The following AFF4 variants were observed in gnomAD, a reference collection of about 807,000 sequenced individuals.
AFF4 encodes ALF transcription elongation factor 4.
A neutral mutation model predicts 124.8 loss-of-function variants in AFF4; 13 were observed. The ratio of observed to expected loss-of-function variants is 0.10; its 90% CI spans 0.07 to 0.17. AFF4 has a LOEUF of 0.17. AFF4 is among the 10% of genes least tolerant of loss of function. The probability of loss-of-function intolerance (pLI) is 1.00; values close to 1 mark genes in which losing one functional copy is unlikely to be tolerated. For synonymous variants in AFF4, 477 were observed against 496.1 expected (o/e 0.96, Z 0.51); for missense variants, 1,092 against 1,403.8 (o/e 0.78, Z 3.55).
In AFF4 at chr5:132,934,153, T is replaced by A; in HGVS notation, c.912A>T (p.Pro304=). 1 of 1,611,012 alleles carries A rather than the reference T, an allele frequency of 6.2e-7. No homozygotes were observed. The highest frequency in any genetic ancestry group is 1.3e-5 in the African/African-American group (1 of 74,932). ...HLTKLKIPSQ[P]LDASASGDVS... ...CTCTAAATGTGTGACTTACATCCAG[T>A]GGTTGGGAAGGTATTTTCAGCTTGG... The change falls in exon 3 of 21, where the codon CCA becomes CCT. Residue 304 remains proline, a synonymous_variant. Coordinates refer to ENST00000265343, the MANE Select transcript of AFF4 (RefSeq NM_014423.4).
intron 5 of AFF4, among the ~76,000 whole-genome samples, chr5:132,909,100 T>C (rs1760735569): frequency 6.6e-6 from 1 of 150,472 alleles, no homozygotes. Flanking sequence ...AAGCGGTTAC[T>C]TCATTCATTG....
At chr5:132,926,130 A>AT (rs1320681979) in intron 5 of AFF4, 8 of 336,070 alleles carry the variant, frequency 2.4e-5, no homozygotes, top group Admixed American at 2.1e-4. Context: ...ACAGAACAAT[A>AT]TATTTGCGTA....
chr5:132,914,333 C>T (rs560786879), intron 5 of AFF4, among the ~76,000 whole-genome samples: 64 of 151,742 alleles, frequency 4.2e-4, no homozygotes, highest in Non-Finnish European at 3.8e-4. Context: ...CCGGGCGCAG[C>T]GGCTCACGCC....
chr5:132,949,675 C>T (rs915466607), intron 1 of AFF4, among the ~76,000 whole-genome samples: 2 of 149,782 alleles, frequency 1.3e-5, no homozygotes, highest in African/African-American at 5.0e-5. Flanking sequence ...CAGTGAAACC[C>T]CATGTGTACC....
At chr5:132,906,304 A>C (rs1251904680) in intron 5 of AFF4, among the ~76,000 whole-genome samples, 1 of 152,234 alleles carries the variant, frequency 6.6e-6, no homozygotes, top group African/African-American at 2.4e-5. Flanking sequence ...AAACACTTCT[A>C]CATAAGTGTT....
intron 5 of AFF4, among the ~76,000 whole-genome samples, chr5:132,924,443 G>GGGA (rs1283560027): frequency 6.6e-6 from 1 of 152,188 alleles, no homozygotes; most frequent in African/African-American, 2.4e-5. Context: ...AAATTGCATA[G>GGGA]GGACAGTGGT....
At position 132,880,928 on chromosome 5, in the gene AFF4, A is replaced by C. The variant is rs941839153; in HGVS notation, c.*131T>G. ...TCGCTTTGGATTATCAAAAACAACA[A>C]CACATGAACCAACGAGGAGAAAACT... is the stretch of plus-strand genomic sequence containing the variant. On this transcript the variant is annotated 3_prime_UTR_variant, in exon 21 of 21. Coordinates refer to ENST00000265343, the MANE Select transcript of AFF4 (RefSeq NM_014423.4). The C allele has an allele frequency of 1.7e-6, 2 of 1,194,542 alleles. No individual in the cohort carries two copies. The highest frequency in any genetic ancestry group is 3.1e-5 in the African/African-American group (2 of 64,264). The allele number at this position is 1,194,542 out of a possible 1,614,324, so 74.0% of individuals were successfully genotyped here. A position where few individuals can be genotyped will look rare whatever the true frequency, so the allele number is the denominator to read the frequency against.
rs111370902 is a variant in AFF4 at position 132,897,058 on chromosome 5, C to A, written c.1572G>T (p.Thr524=). 8 of 1,614,140 alleles carry A rather than the reference C, an allele frequency of 5.0e-6. No homozygotes were observed. Among genetic ancestry groups the A allele is most frequent in the Non-Finnish European group, 5.9e-6 (7 of 1,180,014 alleles). Residue 524 remains threonine (T), a synonymous_variant, in exon 11 of 21, where the codon ACG becomes ACT. Transcript: ENST00000265343. ...AGTCTCGTCCCGGAGTAGCGGAACTCGTTTCTTTAGGTCCACTTGTATCAG... is the reference window on the plus strand; with the variant it reads ...AGTCTCGTCCCGGAGTAGCGGAACTAGTTTCTTTAGGTCCACTTGTATCAG... ...SYTDTSGPKE[T]SSATPGRDSK...
intron 5 of AFF4, among the ~76,000 whole-genome samples, chr5:132,922,806 A>T (rs1375581162): frequency 6.6e-6 from 1 of 151,384 alleles, no homozygotes; most frequent in Non-Finnish European, 1.5e-5. Context: ...ACCAAAAACT[A>T]GAAGCAACCC....
intron 5 of AFF4, among the ~76,000 whole-genome samples, chr5:132,914,487 G>A (rs929661235): frequency 1.3e-5 from 2 of 151,748 alleles, no homozygotes; most frequent in African/African-American, 4.8e-5. Flanking sequence ...TGTAATCCCA[G>A]CTACTCAGGA....
At chr5:132,898,532 G>A (rs905344946) in intron 9 of AFF4, 140 bp from the exon 10 acceptor site, 3 of 839,692 alleles carry the variant, frequency 3.6e-6, no homozygotes, top group Non-Finnish European at 5.3e-6. Context: ...GGCCCAGGCT[G>A]GAATGCAGTG....
At chr5:132,885,389 C>G (rs1760089807) in intron 18 of AFF4, among the ~76,000 whole-genome samples, 1 of 147,018 alleles carries the variant, frequency 6.8e-6, no homozygotes, top group South Asian at 2.1e-4. Flanking sequence ...GGGGATACAT[C>G]CCAGCTACTC....
At chr5:132,947,506 T>G (rs1221165301) in intron 1 of AFF4, among the ~76,000 whole-genome samples, 1 of 152,214 alleles carries the variant, frequency 6.6e-6, no homozygotes, top group Non-Finnish European at 1.5e-5. Flanking sequence ...TTTTGTTTTT[T>G]TCACTTAGTG....
intron 5 of AFF4, among the ~76,000 whole-genome samples, chr5:132,909,157 C>T (rs941475110): frequency 7.4e-6 from 1 of 135,590 alleles, no homozygotes; most frequent in Non-Finnish European, 1.5e-5. Context: ...TGGAGTTTCA[C>T]ACTCCTGTAG....
chr5:132,891,729 T>C, intron 13 of AFF4: 1 of 199,536 alleles, frequency 5.0e-6, no homozygotes. Flanking sequence ...AACTCAATCT[T>C]AGCAACTAGA....
chr5:132,954,281 T>C (rs1761904734), intron 1 of AFF4, among the ~76,000 whole-genome samples: 1 of 152,192 alleles, frequency 6.6e-6, no homozygotes, highest in Non-Finnish European at 1.5e-5. Context: ...CTAGATCCCT[T>C]GCATGTGCAG....
Position 132,885,137 on chromosome 5 carries a change from T to C in AFF4, c.3100-18A>G, listed in dbSNP as rs747971858. The C allele has an allele frequency of 3.3e-5, 53 of 1,582,566 alleles. No individual in the cohort carries two copies. Among genetic ancestry groups the C allele is most frequent in the Non-Finnish European group, 3.3e-5 (38 of 1,163,100 alleles). On this transcript the variant is annotated intron_variant, in intron 18 of 20. Transcript: ENST00000265343. Reference sequence around the variant, plus strand: ...TAAGAATTCTGTGGAAAAAGTAAAATGTACTTAACAACAACAAAAACCACC... The same window carrying C: ...TAAGAATTCTGTGGAAAAAGTAAAACGTACTTAACAACAACAAAAACCACC...
chr5:132,909,018 C>T (rs1419762906), intron 5 of AFF4, among the ~76,000 whole-genome samples: 3 of 151,736 alleles, frequency 2.0e-5, no homozygotes, highest in East Asian at 3.9e-4. Context: ...ATCCACCCAC[C>T]TTGGCCTCTC....
At chr5:132,942,460 CTTTTTTTT>C (rs35994411) in intron 1 of AFF4, among the ~76,000 whole-genome samples, 3 of 134,102 alleles carry the variant, frequency 2.2e-5, no homozygotes, top group African/African-American at 8.2e-5. Flanking sequence ...TCCTTTTGAC[CTTTTTTTT>C]TTTTTTTTTT....
Sources: allele counts gnomAD v4.1 joint callset (sites outside exome capture counted in the v4.1 genomes callset), GRCh38; gene constraint gnomAD v4.1.1; transcripts MANE v1.5; gene names NCBI Gene and HGNC (gene_info 2026-07-23, HGNC 2026-07-21).